RNPEP: variants seen among roughly 807,000 people sequenced by gnomAD.
RNPEP encodes the protein arginyl aminopeptidase.
RNPEP carries 57 observed loss-of-function variants against 70.1 expected under a neutral mutation model. The observed-to-expected ratio is 0.81, with a 90% CI of 0.66 to 1.01. The LOEUF is 1.01. Ranked by LOEUF, RNPEP falls within the 50% of genes least tolerant of loss-of-function variation. The probability of loss-of-function intolerance (pLI) is 0.00; values close to 1 mark genes in which losing one functional copy is unlikely to be tolerated. For missense variants in RNPEP, 787 were observed against 852.4 expected (o/e 0.92, Z 0.96); for synonymous variants, 335 against 357.4 (o/e 0.94, Z 0.71).
At chr1:201,983,312 C>CCTG in intron 1 of RNPEP, 199 bp downstream of exon 1, 2 of 1,451,136 alleles carry the variant, frequency 1.4e-6, no homozygotes, top group Non-Finnish European at 1.8e-6. Flanking sequence ...TGCCTGGTTT[C>CCTG]CTTCTGGACT....
intron 3 of RNPEP, among the ~76,000 whole-genome samples, chr1:201,994,523 G>A (rs184846515): frequency 7.2e-5 from 11 of 152,158 alleles, no homozygotes; most frequent in African/African-American, 2.2e-4. Context: ...CCATGGCTAC[G>A]TCTTTGCTTT....
chr1:202,005,294 A>C (rs996804387), intron 10 of RNPEP, among the ~76,000 whole-genome samples: 2 of 152,166 alleles, frequency 1.3e-5, no homozygotes, highest in Non-Finnish European at 2.9e-5. Context: ...GTGTCCACCC[A>C]ACTCATTCAT....
chr1:201,983,224 A>T, intron 1 of RNPEP, 111 bp downstream of exon 1: 1 of 1,425,552 alleles, frequency 7.0e-7, no homozygotes, highest in African/African-American at 1.5e-5. Flanking sequence ...GGACCCTTCC[A>T]GAGCGTCCCT....
intron 3 of RNPEP, among the ~76,000 whole-genome samples, chr1:201,993,366 G>A (rs1254771523): frequency 2.0e-5 from 3 of 152,164 alleles, no homozygotes; most frequent in Non-Finnish European, 4.4e-5. Context: ...GGAGGCCAAG[G>A]TGGGAGGATC....
chr1:201,988,131 ACT>A (rs991049091), intron 1 of RNPEP, among the ~76,000 whole-genome samples: 2 of 144,094 alleles, frequency 1.4e-5, no homozygotes, highest in African/African-American at 2.6e-5. Flanking sequence ...CAAGAGTGAA[ACT>A]CTATCTCGAA....
chr1:202,004,777 A>C (rs1413164387), intron 10 of RNPEP, among the ~76,000 whole-genome samples: 1 of 152,256 alleles, frequency 6.6e-6, no homozygotes, highest in Non-Finnish European at 1.5e-5. Context: ...GGCGGGAAAG[A>C]GGGTGACAGT....
intron 1 of RNPEP, among the ~76,000 whole-genome samples, chr1:201,984,196 G>A (rs1288776071): frequency 6.6e-6 from 1 of 152,168 alleles, no homozygotes; most frequent in East Asian, 1.9e-4. Context: ...GCCTCCCAAA[G>A]TGCTGGGATT....
intron 8 of RNPEP, among the ~76,000 whole-genome samples, chr1:202,002,154 T>A (rs1300863049): frequency 7.1e-6 from 1 of 141,014 alleles, no homozygotes; most frequent in East Asian, 2.2e-4. Flanking sequence ...TTTCTTTCTT[T>A]CTTTTCTTTT....
chr1:202,004,316 C>T (rs1683961807), intron 9 of RNPEP, 38 bp from the exon 10 acceptor site: 1 of 1,611,906 alleles, frequency 6.2e-7, no homozygotes, highest in South Asian at 1.1e-5. Flanking sequence ...GTGTGACCCA[C>T]CGTGACCAGC....
chr1:201,994,421 C>T (rs1361133311), intron 3 of RNPEP, among the ~76,000 whole-genome samples: 1 of 152,118 alleles, frequency 6.6e-6, no homozygotes, highest in Admixed American at 6.6e-5. Flanking sequence ...TCTCATGTCC[C>T]ACCTCCTGCC....
chr1:201,998,675 C>A (rs751729598), intron 5 of RNPEP, among the ~76,000 whole-genome samples: 3 of 152,140 alleles, frequency 2.0e-5, no homozygotes, highest in Non-Finnish European at 4.4e-5. Flanking sequence ...CTTAATCAGC[C>A]ATTAGGAATC....
Position 201,982,682 on chromosome 1 carries a change from C to A in RNPEP, c.16C>A (p.His6Asn). ...CTCTGCGGCCATGGCGAGCGGCGAGCATTCCCCCGGCAGCGGCGCGGCCCG... is the reference window on the plus strand; with the variant it reads ...CTCTGCGGCCATGGCGAGCGGCGAGAATTCCCCCGGCAGCGGCGCGGCCCG... MASGE[H>N]SPGSGAARRP... Residue 6 changes from histidine to asparagine, a missense_variant, in exon 1 of 11, where the codon CAT becomes AAT. His to Asn is a moderately conservative substitution (Grantham distance 68, BLOSUM62 1). Transcript: ENST00000295640. 1.4e-6 allele frequency: 2 copies of A among 1,386,208 alleles called. No individual in the cohort carries two copies. The highest frequency in any genetic ancestry group is 1.6e-5 in the South Asian group (1 of 62,230). The allele number at this position is 1,386,208 out of a possible 1,614,324, so 85.9% of individuals were successfully genotyped here.
In RNPEP at chr1:202,005,962, T is replaced by C; in HGVS notation, c.*246T>C. ...TCTCCCCGCTACAGGCTGCAGGCAC[T>C]GCAGGGCAGCGGGTATTCTCCTCCC... On this transcript the variant is annotated 3_prime_UTR_variant, in exon 11 of 11. Coordinates refer to ENST00000295640, the MANE Select transcript of RNPEP (RefSeq NM_020216.4). The C allele has an allele frequency of 2.0e-6, 1 of 501,078 alleles. No homozygotes were observed. Among genetic ancestry groups the C allele is most frequent in the Non-Finnish European group, 3.6e-6 (1 of 278,664 alleles). The allele number at this position is 501,078 out of a possible 1,614,324, so 31.0% of individuals were successfully genotyped here. A position where few individuals can be genotyped will look rare whatever the true frequency, so the allele number is the denominator to read the frequency against.
rs1363978747 is a variant in RNPEP at position 202,003,267 on chromosome 1, C to A, written c.1457C>A (p.Pro486His). Residue 486 changes from proline to histidine, a missense_variant, in exon 9 of 11, where the codon CCC becomes CAC. Physicochemically the swap from Pro to His is moderately conservative, Grantham distance 77. Transcript: ENST00000295640. ...GAGTTTGATCGATGGCTGAATACCC[C>A]CGGCTGGCCCCCGTACCTCCCTGAT... ...GFEFDRWLNT[P>H]GWPPYLPDLS... is the part of the protein sequence containing the mutation. 1.9e-6 allele frequency: 3 copies of A among 1,613,528 alleles called. No homozygotes were observed. The highest frequency in any genetic ancestry group is 2.5e-6 in the Non-Finnish European group (3 of 1,179,702).
At chr1:201,983,409 C>T in intron 1 of RNPEP, 1 of 1,487,488 alleles carries the variant, frequency 6.7e-7, no homozygotes, top group Non-Finnish European at 9.0e-7. Context: ...CAGATTGCGC[C>T]GCATTCCCGC....
chr1:202,005,349 G>C (rs532108154), intron 10 of RNPEP, among the ~76,000 whole-genome samples: 2 of 152,272 alleles, frequency 1.3e-5, no homozygotes, highest in African/African-American at 4.8e-5. Flanking sequence ...ATTGGGACGC[G>C]TATTGAGATC....
chr1:201,990,211 C>T (rs2102966443), intron 3 of RNPEP, among the ~76,000 whole-genome samples: 1 of 152,292 alleles, frequency 6.6e-6, no homozygotes, highest in South Asian at 2.1e-4. Context: ...ATCCACTTTC[C>T]TATCTTTGTA....
intron 3 of RNPEP, among the ~76,000 whole-genome samples, chr1:201,990,329 A>G (rs1466637180): frequency 1.3e-5 from 2 of 152,248 alleles, no homozygotes; most frequent in African/African-American, 2.4e-5. Flanking sequence ...CAGCAGATGC[A>G]TGAGTCTAAG....
intron 3 of RNPEP, among the ~76,000 whole-genome samples, chr1:201,991,332 C>G (rs1683325755): frequency 6.6e-6 from 1 of 152,138 alleles, no homozygotes; most frequent in Non-Finnish European, 1.5e-5. Context: ...CCAGGCTAGT[C>G]TTGAACTCCT....
Sources: gnomAD v4.1 joint callset for allele counts (sites outside exome capture counted in the v4.1 genomes callset) on GRCh38, gnomAD v4.1.1 for gene constraint, MANE v1.5 for transcripts, NCBI Gene and HGNC (gene_info 2026-07-23, HGNC 2026-07-21) for gene names.